The following ZNF596 variants were observed in gnomAD, a reference collection of about 807,000 sequenced individuals.
The protein encoded by ZNF596 is zinc finger protein 596.
Under a neutral mutation model 48.3 loss-of-function variants are expected in ZNF596, and 45 were observed. The ratio of observed to expected loss-of-function variants is 0.93; its 90% CI spans 0.73 to 1.19. ZNF596 has a LOEUF of 1.19. Among genes scored for constraint, ZNF596 ranks in the 50% most tolerant of loss-of-function variants. The pLI is 0.00. For synonymous variants in ZNF596, 270 were observed against 202.0 expected (o/e 1.34, Z -2.85); for missense variants, 848 against 599.7 (o/e 1.41, Z -4.32).
chr8:246,592 TGTGGAGG>T lies in ZNF596; in HGVS notation c.*231_*237del. The stretch of plus-strand genomic sequence containing the variant: ...AGAATGAAACTATAGATCAAAGGAA[TGTGGAGG>T]AGTCTTCATCCACAGCTCTGTTAAA... On this transcript the variant is annotated 3_prime_UTR_variant, in exon 6 of 6. Transcript: ENST00000398612. The T allele has an allele frequency of 2.3e-6, 1 of 435,308 alleles. No homozygotes were observed. The highest frequency in any genetic ancestry group is 4.0e-6 in the Non-Finnish European group (1 of 253,130). 27.0% of individuals were successfully genotyped at this position (435,308 alleles called of 1,614,324 possible).
Position 243,825 on chromosome 8 carries a change from G to A in ZNF596, c.223+20G>A, listed in dbSNP as rs1267866364. 1 of 1,603,416 alleles carries A rather than the reference G, an allele frequency of 6.2e-7. No homozygotes were observed. Among genetic ancestry groups the A allele is most frequent in the Non-Finnish European group, 8.5e-7 (1 of 1,172,342 alleles). The stretch of plus-strand genomic sequence containing the variant: ...TGCAAGGTGAGCTCTAAGAAGCAGT[G>A]CTTCAATAGGAGGAGGAGAAACATG... On this transcript the variant is annotated intron_variant, in intron 4 of 5. Coordinates refer to ENST00000398612, the MANE Select transcript of ZNF596 (RefSeq NM_001042416.3).
chr8:234,862 T>C (rs1796559374), intron 1 of ZNF596: 1 of 152,166 alleles, frequency 6.6e-6, no homozygotes. Context: ...GAGGCAAGTA[T>C]GGGTCGTTTA....
At chr8:233,335 C>T (rs2117054305) in intron 1 of ZNF596, 1 of 324,186 alleles carries the variant, frequency 3.1e-6, no homozygotes, top group African/African-American at 2.2e-5. Flanking sequence ...TTTCTGATTT[C>T]CAAATTAGTT....
At position 243,737 on chromosome 8, in the gene ZNF596, A is replaced by G; in HGVS notation, c.155A>G (p.Lys52Arg). 1.2e-6 allele frequency: 2 copies of G among 1,613,726 alleles called. No individual in the cohort carries two copies. The highest frequency in any genetic ancestry group is 1.3e-5 in the African/African-American group (1 of 75,046). ...HLVSIGKQLC[K>R]SVVLSQLEQV... ...CCCAAAACAGGCAAACAGCTCTGCA[A>G]ATCAGTTGTGCTTTCCCAATTGGAG... Residue 52 changes from lysine (K) to arginine (R), a missense_variant, in exon 4 of 6, where the codon AAA (lysine) becomes AGA (arginine). Transcript: ENST00000398612.
In ZNF596 at chr8:244,739, G is replaced by C. The variant is rs201704264; in HGVS notation, c.306+38G>C. 6.1e-4 allele frequency: 941 copies of C among 1,549,444 alleles called. 1 individual carries two copies. The highest frequency in any genetic ancestry group is 1.2e-3 in the Admixed American group (64 of 53,806). On this transcript the variant is annotated intron_variant, in intron 5 of 5. Coordinates refer to ENST00000398612, the MANE Select transcript of ZNF596 (RefSeq NM_001042416.3). Reference sequence around the variant, plus strand: ...GATGCAAACCCTGTTCTTACATATAGAAACCTGGACATTAAACAACTTTGG... The same window carrying C: ...GATGCAAACCCTGTTCTTACATATACAAACCTGGACATTAAACAACTTTGG...
At chr8:243,066 C>A in intron 3 of ZNF596, 53 bp downstream of exon 3, 2 of 1,511,034 alleles carry the variant, frequency 1.3e-6, no homozygotes, top group South Asian at 1.2e-5. Flanking sequence ...TTCACTCACT[C>A]ATTTTTCACT....
intron 1 of ZNF596, chr8:237,816 G>A (rs1018293989): frequency 6.6e-6 from 1 of 152,184 alleles, no homozygotes; most frequent in African/African-American, 2.4e-5. Flanking sequence ...AACTTGACAT[G>A]TAGCAGACCC....
At chr8:241,392 C>G (rs1177317935) in intron 2 of ZNF596, among the ~76,000 whole-genome samples, 1 of 152,154 alleles carries the variant, frequency 6.6e-6, no homozygotes, top group East Asian at 1.9e-4. Context: ...AGGGTTAGGA[C>G]AGAGGAGACA....
At chr8:237,952 A>G (rs140944723) in intron 1 of ZNF596, among the ~76,000 whole-genome samples, 2 of 152,308 alleles carry the variant, frequency 1.3e-5, no homozygotes, top group Non-Finnish European at 2.9e-5. Flanking sequence ...AGCTGTGGCC[A>G]TTGGTGGATC....
In ZNF596 at chr8:246,441, G is replaced by A; in HGVS notation, c.*79G>A. The A allele has an allele frequency of 1.3e-6, 2 of 1,489,732 alleles. No homozygotes were observed. Among genetic ancestry groups the A allele is most frequent in the Non-Finnish European group, 1.8e-6 (2 of 1,120,594 alleles). 92.3% of individuals were successfully genotyped at this position (1,489,732 alleles called of 1,614,324 possible). A position where few individuals can be genotyped will look rare whatever the true frequency, so the allele number is the denominator to read the frequency against. ...GGAATATTATGTCTGTAATCAGTGTGGAAAAGCCTTTATTTATATTTACCA... is the reference window on the plus strand; with the variant it reads ...GGAATATTATGTCTGTAATCAGTGTAGAAAAGCCTTTATTTATATTTACCA... On this transcript the variant is annotated 3_prime_UTR_variant, in exon 6 of 6. Coordinates refer to ENST00000398612, the MANE Select transcript of ZNF596 (RefSeq NM_001042416.3).
In ZNF596 at chr8:245,617, G is replaced by A; in HGVS notation, c.770G>A (p.Gly257Glu). The stretch of plus-strand genomic sequence containing the variant: ...AAGCCATATGGATGTCATCTATGTG[G>A]GAAAGCCTTCAGTAAAAGTTCTAAC... ...GEKPYGCHLC[G>E]KAFSKSSNLR... The change falls in exon 6 of 6, where the codon GGG (glycine) becomes GAG (glutamate). Residue 257 changes from glycine (G) to glutamate (E), a missense_variant. By Grantham distance (98) the Gly-to-Glu change is moderately conservative. Transcript: ENST00000398612. The A allele has an allele frequency of 6.2e-7, 1 of 1,614,026 alleles. No homozygotes were observed. Among genetic ancestry groups the A allele is most frequent in the Non-Finnish European group, 8.5e-7 (1 of 1,180,002 alleles).
Position 232,700 on chromosome 8 carries a change from G to A in ZNF596, c.-73+6G>A. On this transcript the variant is annotated splice_donor_region_variant and intron_variant, in intron 1 of 5. Coordinates refer to ENST00000398612, the MANE Select transcript of ZNF596 (RefSeq NM_001042416.3). The stretch of plus-strand genomic sequence containing the variant: ...CCTATCGCGCGCGGCCTCAGGTCCC[G>A]ATTCGGCATGTGGCTTGTCTTCCAT... 1 of 382,530 alleles carries A rather than the reference G, an allele frequency of 2.6e-6. No individual in the cohort carries two copies. Among genetic ancestry groups the A allele is most frequent in the South Asian group, 2.0e-5 (1 of 49,382 alleles). The allele number at this position is 382,530 out of a possible 1,614,324, so 23.7% of individuals were successfully genotyped here.
rs1468492815 is a variant in ZNF596 at position 240,812 on chromosome 8, G to C, written c.-72-12G>C. 2 of 1,568,676 alleles carry C rather than the reference G, an allele frequency of 1.3e-6. No individual in the cohort carries two copies. The highest frequency in any genetic ancestry group is 1.4e-5 in the African/African-American group (1 of 73,758). ...TCATGGTTTTTTTGTTTTTGTTTTT[G>C]TTTTTGCTCAGATTTGTCTTCTTAG... On this transcript the variant is annotated splice_polypyrimidine_tract_variant and intron_variant, in intron 1 of 5. Transcript: ENST00000398612.
chr8:246,387 C>G lies in ZNF596; in HGVS notation c.*25C>G. ...AGAATCATCAGCTGTAGCGTTAACA[C>G]TAAATACACCAAGGACAAACATACT... On this transcript the variant is annotated 3_prime_UTR_variant, in exon 6 of 6. Transcript: ENST00000398612. The G allele has an allele frequency of 6.5e-7, 1 of 1,542,852 alleles. No homozygotes were observed. The highest frequency in any genetic ancestry group is 1.3e-5 in the South Asian group (1 of 77,464).
chr8:240,981 A>C, intron 2 of ZNF596, 74 bp downstream of exon 2: 1 of 1,565,498 alleles, frequency 6.4e-7, no homozygotes, highest in South Asian at 1.1e-5. Flanking sequence ...CATCCTATTA[A>C]CATGGATGTT....
chr8:240,602 A>G (rs1796813560), intron 1 of ZNF596: 1 of 404,748 alleles, frequency 2.5e-6, no homozygotes. Context: ...ATGAAACTCC[A>G]TGATTTTCAC....
chr8:240,794 TTTTTTG>T (rs927071216), intron 1 of ZNF596, 24 bp from the exon 2 acceptor site: 78 of 1,480,116 alleles, frequency 5.3e-5, no homozygotes, highest in Middle Eastern at 1.7e-4. Flanking sequence ...GTGTCATGGT[TTTTTTG>T]TTTTTGTTTT....
intron 3 of ZNF596, 196 bp downstream of exon 3, chr8:243,209 CCT>C: frequency 4.7e-6 from 2 of 424,084 alleles, no homozygotes; most frequent in Middle Eastern, 6.6e-4. Context: ...ATTGATTTGT[CCT>C]CTCTCTAGAA....
At chr8:238,667 C>T (rs987095108) in intron 1 of ZNF596, among the ~76,000 whole-genome samples, 58 of 143,232 alleles carry the variant, frequency 4.0e-4, no homozygotes, top group Admixed American at 1.4e-3. Flanking sequence ...ATTAGCTGGT[C>T]GTGGTGACGG....
Sources: allele counts gnomAD v4.1 joint callset (sites outside exome capture counted in the v4.1 genomes callset), GRCh38; gene constraint gnomAD v4.1.1; transcripts MANE v1.5; gene names NCBI Gene and HGNC (gene_info 2026-07-23, HGNC 2026-07-21).